The following HSD17B2 variants were observed in gnomAD, a reference collection of about 807,000 sequenced individuals.
The protein encoded by HSD17B2 is hydroxysteroid 17-beta dehydrogenase 2, also known as 17-beta-hydroxysteroid dehydrogenase type 2.
A neutral mutation model predicts 26.9 loss-of-function variants in HSD17B2; 32 were observed. The observed-to-expected ratio is 1.19, with a 90% CI of 0.90 to 1.60. The LOEUF (loss-of-function observed/expected upper bound fraction) is 1.60, where lower values mean the gene tolerates loss of function less well. Ranked by LOEUF, HSD17B2 falls within the 40% of genes most tolerant of loss-of-function variation. The probability of loss-of-function intolerance (pLI) is 0.00; values close to 1 mark genes in which losing one functional copy is unlikely to be tolerated. For missense variants in HSD17B2, 613 were observed against 468.6 expected (o/e 1.31, Z -2.85); for synonymous variants, 246 against 186.7 (o/e 1.32, Z -2.59).
At chr16:82,092,982 T>C (rs1462225378) in intron 4 of HSD17B2, 1 of 152,220 alleles carries the variant, frequency 6.6e-6, no homozygotes, top group Non-Finnish European at 1.5e-5. Flanking sequence ...GTTATGATTT[T>C]GGAGATTCAG....
intron 1 of HSD17B2, among the ~76,000 whole-genome samples, chr16:82,042,952 C>T (rs1276500588): frequency 6.6e-6 from 1 of 152,202 alleles, no homozygotes. Context: ...TCCCATAGAT[C>T]AAACAGAACA....
At chr16:82,088,598 C>T (rs1181238655) in intron 3 of HSD17B2, among the ~76,000 whole-genome samples, 1 of 152,182 alleles carries the variant, frequency 6.6e-6, no homozygotes, top group African/African-American at 2.4e-5. Context: ...GCTAACCCCA[C>T]GAACTGGGAT....
At chr16:82,081,232 C>T (rs1001502953) in intron 3 of HSD17B2, among the ~76,000 whole-genome samples, 1 of 152,040 alleles carries the variant, frequency 6.6e-6, no homozygotes, top group Non-Finnish European at 1.5e-5. Flanking sequence ...TTTGTCTGCT[C>T]TATTCCCTCC....
At chr16:82,079,045 C>T (rs1399036171) in intron 3 of HSD17B2, among the ~76,000 whole-genome samples, 1 of 152,206 alleles carries the variant, frequency 6.6e-6, no homozygotes, top group East Asian at 1.9e-4. Context: ...TTGTGTGCAA[C>T]ACAAAGGATA....
intron 1 of HSD17B2, among the ~76,000 whole-genome samples, chr16:82,043,835 C>G (rs1020740225): frequency 6.6e-6 from 1 of 152,088 alleles, no homozygotes; most frequent in Non-Finnish European, 1.5e-5. Flanking sequence ...AGTTGACCCC[C>G]TATTGGTGGA....
intron 1 of HSD17B2, among the ~76,000 whole-genome samples, chr16:82,059,345 A>G (rs751568049): frequency 6.6e-6 from 1 of 152,228 alleles, no homozygotes; most frequent in Admixed American, 6.5e-5. Context: ...GTTTCCAGAC[A>G]TTGCCAGATA....
Position 82,069,113 on chromosome 16 carries a change from G to A in HSD17B2, c.478+731G>A, listed in dbSNP as rs8191143. Among the ~76,000 whole-genome samples, 321 of 152,166 alleles carry A rather than the reference G, an allele frequency of 2.1e-3. 2 individuals are homozygous for A. The highest frequency in any genetic ancestry group is 6.8e-3 in the African/African-American group (284 of 41,514). On this transcript the variant is annotated intron_variant, in intron 2 of 4. Coordinates refer to ENST00000199936, the MANE Select transcript of HSD17B2 (RefSeq NM_002153.3). ...AAGTGTGGGTTGTTCCCCACCATGC[G>A]TCCATGTGTTCTCACTGTTCAGCCC...
intron 3 of HSD17B2, among the ~76,000 whole-genome samples, chr16:82,086,985 A>T (rs531949408): frequency 9.2e-5 from 14 of 152,142 alleles, no homozygotes; most frequent in Non-Finnish European, 1.8e-4. Context: ...TAAGGACACT[A>T]ATTCTGTTGG....
intron 4 of HSD17B2, chr16:82,097,160 C>T (rs2142371253): frequency 6.6e-6 from 1 of 152,020 alleles, no homozygotes; most frequent in Admixed American, 6.5e-5. Flanking sequence ...TCCCGAATAG[C>T]TGGGACTAGA....
At chr16:82,041,536 T>C (rs146240507) in intron 1 of HSD17B2, among the ~76,000 whole-genome samples, 2 of 152,200 alleles carry the variant, frequency 1.3e-5, no homozygotes, top group African/African-American at 4.8e-5. Flanking sequence ...GTGGCACAAA[T>C]AGAACATCCA....
chr16:82,041,029 G>A (rs530549278), intron 1 of HSD17B2, among the ~76,000 whole-genome samples: 2 of 152,174 alleles, frequency 1.3e-5, no homozygotes, highest in African/African-American at 4.8e-5. Context: ...CTACAGGGAA[G>A]CATAAAAAAG....
At chr16:82,050,134 C>G (rs1480539697) in intron 1 of HSD17B2, among the ~76,000 whole-genome samples, 1 of 152,222 alleles carries the variant, frequency 6.6e-6, no homozygotes, top group Non-Finnish European at 1.5e-5. Context: ...AACAATTTCT[C>G]TCTCCAACAC....
intron 1 of HSD17B2, chr16:82,063,105 G>A (rs1482682699): frequency 2.0e-5 from 3 of 152,218 alleles, no homozygotes; most frequent in Non-Finnish European, 4.4e-5. Context: ...TCCATGTGAG[G>A]AAGTGGAGGT....
rs1209403057 is a variant in HSD17B2, at chr16:82,071,066, G to A, written c.603G>A (p.Lys201=). ...TCTTTGGAACTGTGGAGGTCACAAA[G>A]ACGTTTTTGCCTCTTCTTAGAAAAT... is the stretch of plus-strand genomic sequence containing the variant. The part of the protein sequence containing the change: ...VNFFGTVEVT[K]TFLPLLRKSK... Residue 201 remains lysine, a synonymous_variant, in exon 3 of 5, where the codon AAG becomes AAA. Transcript: ENST00000199936. The A allele has an allele frequency of 1.2e-6, 2 of 1,614,100 alleles. No individual in the cohort carries two copies. The highest frequency in any genetic ancestry group is 2.2e-5 in the East Asian group (1 of 44,898).
chr16:82,087,967 A>G (rs974101436), intron 3 of HSD17B2, among the ~76,000 whole-genome samples: 1 of 152,028 alleles, frequency 6.6e-6, no homozygotes, highest in Non-Finnish European at 1.5e-5. Context: ...ACCTCCTAAC[A>G]CTGTTTCATT....
intron 3 of HSD17B2, 131 bp from the exon 4 acceptor site, chr16:82,090,771 G>A (rs1210732001): frequency 2.5e-6 from 2 of 797,684 alleles, no homozygotes; most frequent in South Asian, 1.9e-5. Flanking sequence ...GGCTCAGGGG[G>A]CCTTGCCTGC....
At chr16:82,070,760 G>A (rs1434523900) in intron 2 of HSD17B2, 182 bp from the exon 3 acceptor site, 21 of 594,928 alleles carry the variant, frequency 3.5e-5, no homozygotes. Context: ...CCTGTTACAG[G>A]AATTCCCCTC....
At chr16:82,079,943 G>A (rs536052422) in intron 3 of HSD17B2, among the ~76,000 whole-genome samples, 2 of 152,288 alleles carry the variant, frequency 1.3e-5, no homozygotes, top group East Asian at 1.9e-4. Context: ...AAGGTGCATG[G>A]AGGGAGAGAA....
intron 1 of HSD17B2, among the ~76,000 whole-genome samples, chr16:82,065,576 T>A (rs1914552159): frequency 6.6e-6 from 1 of 152,196 alleles, no homozygotes; most frequent in African/African-American, 2.4e-5. Context: ...AAACACTTGG[T>A]CTCACCCAGC....
Sources: gnomAD v4.1 joint callset for allele counts (sites outside exome capture counted in the v4.1 genomes callset) on GRCh38, gnomAD v4.1.1 for gene constraint, MANE v1.5 for transcripts, NCBI Gene and HGNC (gene_info 2026-07-23, HGNC 2026-07-21) for gene names.